Variants in RBM28 observed in about 807,000 individuals in gnomAD.
RBM28 encodes the protein RNA binding motif protein 28, also known as RNA-binding protein 28.
In RBM28, 78 loss-of-function variants were observed where a neutral mutation model predicts 98.3. The ratio of observed to expected loss-of-function variants is 0.79; its 90% CI spans 0.66 to 0.96. The LOEUF (loss-of-function observed/expected upper bound fraction) is 0.96. Ranked by LOEUF, RBM28 falls within the 40% of genes least tolerant of loss-of-function variation. The pLI is 0.00. For synonymous variants in RBM28, 306 were observed against 330.9 expected, an observed-to-expected ratio of 0.92 and a Z score of 0.82; for missense variants, 838 against 913.0, an observed-to-expected ratio of 0.92 and a Z score of 1.06.
At chr7:128,338,457 C>A in intron 4 of RBM28, 115 bp from the exon 5 acceptor site, 1 of 875,656 alleles carries the variant, frequency 1.1e-6, no homozygotes, top group South Asian at 1.4e-5. Context: ...GCCAGCAGGT[C>A]AGGCCCTTCC....
intron 10 of RBM28, among the ~76,000 whole-genome samples, chr7:128,328,238 G>A (rs886605485): frequency 6.6e-6 from 1 of 152,208 alleles, no homozygotes; most frequent in Non-Finnish European, 1.5e-5. Context: ...GAAATATGGG[G>A]AAAATGTTTC....
At chr7:128,343,641 A>T (rs1562961698) in intron 1 of RBM28, 35 bp downstream of exon 1, 1 of 1,512,480 alleles carries the variant, frequency 6.6e-7, no homozygotes, top group East Asian at 2.4e-5. Context: ...GATCGCAGGA[A>T]ACCCCAGCCC....
At position 128,321,441 on chromosome 7, in the gene RBM28, T is replaced by C. The variant is rs545689695; in HGVS notation, c.1405-17A>G. The C allele has an allele frequency of 4.3e-5, 70 of 1,613,884 alleles. 1 individual carries two copies. The South Asian group carries it at 6.9e-4, about 16-fold the overall frequency. On this transcript the variant is annotated splice_polypyrimidine_tract_variant and intron_variant, in intron 13 of 18. Transcript: ENST00000223073. ...CAGCTCAAACTGAAAGAACAACCAA[T>C]GGTTAACAGTACAACCCACTCTTTT...
chr7:128,321,149 G>C, intron 14 of RBM28, 117 bp downstream of exon 14: 1 of 1,374,188 alleles, frequency 7.3e-7, no homozygotes, highest in South Asian at 1.2e-5. Context: ...CTGGGCAACA[G>C]AGTGAGACTT....
intron 14 of RBM28, among the ~76,000 whole-genome samples, chr7:128,321,012 A>C (rs1796219702): frequency 6.6e-6 from 1 of 152,166 alleles, no homozygotes; most frequent in Non-Finnish European, 1.5e-5. Flanking sequence ...CTAAAAATAC[A>C]AAAATTAGCC....
Position 128,343,865 on chromosome 7 carries a change from T to G in RBM28, c.-72A>C. The G allele has an allele frequency of 8.9e-7, 1 of 1,120,048 alleles. No individual in the cohort carries two copies. The highest frequency in any genetic ancestry group is 1.3e-6 in the Non-Finnish European group (1 of 787,722). 69.4% of individuals were successfully genotyped at this position (1,120,048 alleles called of 1,614,324 possible). A position where few individuals can be genotyped will look rare whatever the true frequency, so the allele number is the denominator to read the frequency against. ...GGCGCACGCGAGCCGAAACGCTGGC[T>G]TTGGTAGGACAACCAAGCTCACACG... is the stretch of plus-strand genomic sequence containing the variant. On this transcript the variant is annotated 5_prime_UTR_variant, in exon 1 of 19. Transcript: ENST00000223073.
At chr7:128,320,220 AAAAAAAAAAAAAAAAG>A (rs1435114446) in intron 14 of RBM28, among the ~76,000 whole-genome samples, 4 of 85,954 alleles carry the variant, frequency 4.7e-5, no homozygotes, top group Admixed American at 3.1e-4. Context: ...CGTCTCAAAA[AAAAAAAAAAAAAAAAG>A]AAAGAAAGAA....
rs1006344373 is a variant in RBM28, at chr7:128,298,166, A to G, written c.*12631T>C. The G allele has an allele frequency of 6.6e-6, 1 of 152,040 alleles. No individual in the cohort carries two copies. The highest frequency in any genetic ancestry group is 2.4e-5 in the African/African-American group (1 of 41,426). 9.4% of individuals were successfully genotyped at this position (152,040 alleles called of 1,614,324 possible). A position where few individuals can be genotyped will look rare whatever the true frequency, so the allele number is the denominator to read the frequency against. ...AAAGACAATACGCGCACAGTTGAAC[A>G]TAGACCCTTATCAGTAGTTCTGTTT... On this transcript the variant is annotated 3_prime_UTR_variant, in exon 19 of 19. Transcript: ENST00000223073.
chr7:128,342,020 A>T (rs1796735342), intron 1 of RBM28, among the ~76,000 whole-genome samples: 1 of 152,188 alleles, frequency 6.6e-6, no homozygotes, highest in Admixed American at 6.5e-5. Flanking sequence ...TTGGCCAGGC[A>T]TGGTGAAGCA....
rs112793149 is a variant in RBM28 at position 128,298,133 on chromosome 7, TAAAAA to T, written c.*12659_*12663del. On this transcript the variant is annotated 3_prime_UTR_variant, in exon 19 of 19. Coordinates refer to ENST00000223073, the MANE Select transcript of RBM28 (RefSeq NM_018077.3). ...CACATGTACCCTAAAACTTAAATAA[TAAAAA>T]AAAAAGACAATACGCGCACAGTTGA... is the stretch of plus-strand genomic sequence containing the variant. The T allele has an allele frequency of 1.3e-5, 2 of 148,522 alleles. No individual in the cohort carries two copies. The highest frequency in any genetic ancestry group is 1.3e-4 in the Admixed American group (2 of 14,842). The allele number at this position is 148,522 out of a possible 1,614,324, so 9.2% of individuals were successfully genotyped here.
intron 1 of RBM28, among the ~76,000 whole-genome samples, chr7:128,340,283 G>T (rs530831664): frequency 6.6e-6 from 1 of 152,278 alleles, no homozygotes; most frequent in African/African-American, 2.4e-5. Flanking sequence ...CTGTCTTCAG[G>T]AATGGATTAA....
chr7:128,310,805 C>T lies in RBM28; in HGVS notation c.2272G>A (p.Asp758Asn). ...APLAKRSKWF[D>N]S Reference sequence around the variant, plus strand: ...CCAGCCTGCTGCCATCATCAACTATCAAACCATTTGCTCCTCTTTGCAAGA... The same window carrying T: ...CCAGCCTGCTGCCATCATCAACTATTAAACCATTTGCTCCTCTTTGCAAGA... Residue 758 changes from aspartate to asparagine, a missense_variant, in exon 19 of 19, where the codon GAT becomes AAT. Physicochemically the swap from Asp to Asn is conservative, Grantham distance 23 (BLOSUM62 1). Transcript: ENST00000223073. The T allele has an allele frequency of 2.5e-6, 4 of 1,614,148 alleles. No homozygotes were observed. Among genetic ancestry groups the T allele is most frequent in the Non-Finnish European group, 3.4e-6 (4 of 1,180,022 alleles).
chr7:128,326,680 C>A (rs186492581), intron 10 of RBM28, among the ~76,000 whole-genome samples: 1 of 152,086 alleles, frequency 6.6e-6, no homozygotes, highest in Non-Finnish European at 1.5e-5. Flanking sequence ...CAGAATGTAT[C>A]CCCATCATTA....
rs763822170 is a variant in RBM28, at chr7:128,343,776, T to C, written c.18A>G (p.Leu6=). 1.2e-6 allele frequency: 2 copies of C among 1,607,868 alleles called. No individual in the cohort carries two copies. Among genetic ancestry groups the C allele is most frequent in the East Asian group, 4.5e-5 (2 of 44,398 alleles). Residue 6 remains leucine, a synonymous_variant, in exon 1 of 19, where the codon TTA becomes TTG. Transcript: ENST00000223073. ...CCGAGGGCGGGAGGCGGCCCACAAA[T>C]AAGGTCAGGCCGGCCATGAGACCGG... MAGLT[L]FVGRLPPSAR... is the part of the protein sequence containing the mutation.
chr7:128,335,180 A>T (rs1796569893), intron 8 of RBM28, among the ~76,000 whole-genome samples: 1 of 152,198 alleles, frequency 6.6e-6, no homozygotes, highest in African/African-American at 2.4e-5. Flanking sequence ...TGAGATGGTT[A>T]TATCATCTGT....
chr7:128,320,322 GC>G (rs2116338177), intron 14 of RBM28, among the ~76,000 whole-genome samples: 1 of 35,382 alleles, frequency 2.8e-5, no homozygotes, highest in African/African-American at 9.5e-5. Flanking sequence ...GATTGCTTGA[GC>G]TTGGGGGGGG....
rs1562942754 is a variant in RBM28 at position 128,301,232 on chromosome 7, C to T, written c.*9565G>A. On this transcript the variant is annotated 3_prime_UTR_variant, in exon 19 of 19. Transcript: ENST00000223073. ...TATCTCCCGTGCTCTTTTACAGTGG[C>T]TATTTCATTTAGTACTAGGGGGCTT... The T allele has an allele frequency of 2.0e-5, 3 of 152,264 alleles. No individual in the cohort carries two copies. The highest frequency in any genetic ancestry group is 4.4e-5 in the Non-Finnish European group (3 of 68,060). The allele number at this position is 152,264 out of a possible 1,614,324, so 9.4% of individuals were successfully genotyped here.
At chr7:128,337,982 C>T (rs1796638590) in intron 5 of RBM28, among the ~76,000 whole-genome samples, 1 of 152,166 alleles carries the variant, frequency 6.6e-6, no homozygotes, top group Admixed American at 6.5e-5. Flanking sequence ...TACCAACCTG[C>T]ATCTATCAGC....
chr7:128,316,914 C>A (rs1366226926), intron 16 of RBM28, among the ~76,000 whole-genome samples: 1 of 152,134 alleles, frequency 6.6e-6, no homozygotes, highest in Non-Finnish European at 1.5e-5. Context: ...ACAAAGACTA[C>A]AAATGTTTGC....
Sources: allele counts gnomAD v4.1 joint callset (sites outside exome capture counted in the v4.1 genomes callset), GRCh38; gene constraint gnomAD v4.1.1; transcripts MANE v1.5; gene names NCBI Gene and HGNC (gene_info 2026-07-23, HGNC 2026-07-21).